Variants in METTL3 observed in about 807,000 individuals in gnomAD.
METTL3 encodes methyltransferase 3, N6-adenosine-methyltransferase complex catalytic subunit, also known as N(6)-adenosine-methyltransferase catalytic subunit METTL3.
A neutral mutation model predicts 64.3 loss-of-function variants in METTL3; 42 were observed. The observed-to-expected ratio is 0.65, with a 90% CI of 0.51 to 0.84. METTL3 has a LOEUF of 0.84. Among genes scored for constraint, METTL3 ranks in the 40% least tolerant of loss-of-function variants. METTL3 has a pLI of 0.00. For synonymous variants in METTL3, 256 were observed against 263.6 expected (o/e 0.97, Z 0.28); for missense variants, 435 against 722.3 (o/e 0.60, Z 4.56).
chr14:21,504,303 C>G (rs1278282511), intron 1 of METTL3: 1 of 180,306 alleles, frequency 5.5e-6, no homozygotes, highest in Admixed American at 5.5e-5. Context: ...GGCCACTGAT[C>G]AACAAAGTGT....
chr14:21,499,866 GAT>G (rs1329405145), intron 6 of METTL3, 64 bp from the exon 7 acceptor site: 2 of 1,497,110 alleles, frequency 1.3e-6, no homozygotes, highest in Non-Finnish European at 1.9e-6. Flanking sequence ...CAAAATATGT[GAT>G]GTGTTAAAAA....
chr14:21,501,153 C>A, intron 4 of METTL3, 24 bp from the exon 5 acceptor site: 1 of 1,557,510 alleles, frequency 6.4e-7, no homozygotes, highest in Non-Finnish European at 8.8e-7. Context: ...AAGGGAGAAT[C>A]AAGATGGTGC....
intron 3 of METTL3, 52 bp downstream of exon 3, chr14:21,503,117 TCAAA>T: frequency 1.3e-6 from 2 of 1,537,062 alleles, no homozygotes; most frequent in Non-Finnish European, 1.8e-6. Context: ...TAAATCCCTG[TCAAA>T]CAAAGCTATA....
At chr14:21,500,788 A>G (rs1009962619) in intron 5 of METTL3, 106 bp from the exon 6 acceptor site, 12 of 1,417,164 alleles carry the variant, frequency 8.5e-6, no homozygotes, top group Middle Eastern at 3.6e-4. Context: ...AAGCTTATCT[A>G]TCCCCCTCCA....
intron 4 of METTL3, 196 bp downstream of exon 4, chr14:21,501,532 T>G (rs1480084050): frequency 3.0e-6 from 2 of 674,756 alleles, no homozygotes; most frequent in Non-Finnish European, 4.9e-6. Flanking sequence ...AAAAAAAATC[T>G]CAGTTATTTG....
At chr14:21,508,740 C>T (rs1689346241) in intron 1 of METTL3, among the ~76,000 whole-genome samples, 1 of 152,046 alleles carries the variant, frequency 6.6e-6, no homozygotes, top group Non-Finnish European at 1.5e-5. Context: ...ACTAAAAATA[C>T]AAAATTAGCC....
At chr14:21,509,913 C>A (rs564849353) in intron 1 of METTL3, among the ~76,000 whole-genome samples, 1 of 152,154 alleles carries the variant, frequency 6.6e-6, no homozygotes, top group Non-Finnish European at 1.5e-5. Flanking sequence ...ATTGCCTGAC[C>A]ATATGACTTG....
intron 10 of METTL3, 58 bp from the exon 11 acceptor site, chr14:21,498,427 T>C: frequency 1.9e-6 from 3 of 1,552,414 alleles, no homozygotes; most frequent in Non-Finnish European, 2.7e-6. Context: ...GGGTTTAATA[T>C]TGTTAAAAAA....
Position 21,501,752 on chromosome 14 carries a change from C to G in METTL3, c.875G>C (p.Arg292Pro). The change falls in exon 4 of 11, where the codon CGA becomes CCA. Residue 292 changes from arginine (R) to proline (P), a missense_variant. Physicochemically the swap from Arg to Pro is moderately radical, Grantham distance 103. Coordinates refer to ENST00000298717, the MANE Select transcript of METTL3 (RefSeq NM_019852.5). The stretch of plus-strand genomic sequence containing the variant: ...CCTGAAGTGCAGCTTGCGACAGGGT[C>G]GATCAGCATCACTGGCTTTCATGCA... ...EECMKASDADRPCRKLHFRRI... is the reference protein window; with the variant it reads ...EECMKASDADPPCRKLHFRRI... 1 of 1,614,206 alleles carries G rather than the reference C, an allele frequency of 6.2e-7. No individual in the cohort carries two copies. Among genetic ancestry groups the G allele is most frequent in the Non-Finnish European group, 8.5e-7 (1 of 1,180,040 alleles).
chr14:21,509,236 A>G (rs1891772646), intron 1 of METTL3, among the ~76,000 whole-genome samples: 1 of 152,164 alleles, frequency 6.6e-6, no homozygotes, highest in African/African-American at 2.4e-5. Context: ...GCTACTTGAG[A>G]GGCTGAAGTG....
Position 21,503,458 on chromosome 14 carries a change from G to A in METTL3, c.438C>T (p.Thr146=), listed in dbSNP as rs1391779156. ...LQDDAHPTLV[T]YADHSKLSAM... is the part of the protein sequence containing the mutation. The stretch of plus-strand genomic sequence containing the variant: ...CAGAGAGCTTGGAATGGTCAGCATA[G>A]GTTACAAGAGTAGGATGTGCATCAT... The change falls in exon 3 of 11, where the codon ACC becomes ACT. Residue 146 remains threonine, a synonymous_variant. Coordinates refer to ENST00000298717, the MANE Select transcript of METTL3 (RefSeq NM_019852.5). 5.6e-6 allele frequency: 9 copies of A among 1,613,578 alleles called. No homozygotes were observed. Among genetic ancestry groups the A allele is most frequent in the East Asian group, 4.5e-5 (2 of 44,896 alleles).
intron 3 of METTL3, 28 bp downstream of exon 3, chr14:21,503,145 T>C: frequency 6.3e-7 from 1 of 1,580,252 alleles, no homozygotes; most frequent in Non-Finnish European, 8.6e-7. Context: ...AAGAGCATAT[T>C]GTGAGAGTAT....
At chr14:21,499,662 AT>A in intron 7 of METTL3, 62 bp from the exon 8 acceptor site, 1 of 1,582,068 alleles carries the variant, frequency 6.3e-7, no homozygotes, top group Non-Finnish European at 8.7e-7. Context: ...GGGTAGTACC[AT>A]TTATAGAAGC....
chr14:21,504,197 A>G, intron 1 of METTL3: 2 of 307,874 alleles, frequency 6.5e-6, no homozygotes, highest in Non-Finnish European at 1.3e-5. Flanking sequence ...CTTTCTATCA[A>G]CCTACATTTT....
intron 1 of METTL3, among the ~76,000 whole-genome samples, chr14:21,507,281 G>C (rs542998948): frequency 1.3e-5 from 2 of 152,242 alleles, no homozygotes; most frequent in Admixed American, 6.5e-5. Flanking sequence ...ACGATGTGGT[G>C]GGTACATTTT....
intron 1 of METTL3, chr14:21,508,116 G>T (rs979244299): frequency 6.6e-6 from 1 of 152,030 alleles, no homozygotes; most frequent in African/African-American, 2.4e-5. Context: ...TAAAAAGTAG[G>T]CAGGCATGGT....
At chr14:21,508,313 A>T (rs956773133) in intron 1 of METTL3, 2 of 152,178 alleles carry the variant, frequency 1.3e-5, no homozygotes, top group Admixed American at 6.5e-5. Flanking sequence ...CTAGCTAAAT[A>T]TACAAATCAA....
chr14:21,500,253 A>G (rs1891526806), intron 6 of METTL3, among the ~76,000 whole-genome samples: 1 of 152,026 alleles, frequency 6.6e-6, no homozygotes, highest in Non-Finnish European at 1.5e-5. Context: ...AATCCCAGCT[A>G]CTCAGGAGGC....
chr14:21,503,839 C>T lies in METTL3; in HGVS notation c.143G>A (p.Ser48Asn). The change falls in exon 2 of 11, where the codon AGT becomes AAT. Residue 48 changes from serine (S) to asparagine (N), a missense_variant. Physicochemically the swap from Ser to Asn is conservative, Grantham distance 46. Transcript: ENST00000298717. ...PEAALSPTFRSDSPVPTAPTS... is the reference protein window; with the variant it reads ...PEAALSPTFRNDSPVPTAPTS... ...GGGTGCAGTAGGCACTGGGCTGTCA[C>T]TACGGAAGGTTGGAGACAATGCTGC... is the stretch of plus-strand genomic sequence containing the variant. The T allele has an allele frequency of 1.2e-6, 2 of 1,614,234 alleles. No homozygotes were observed. Among genetic ancestry groups the T allele is most frequent in the Non-Finnish European group, 1.7e-6 (2 of 1,180,036 alleles).
Sources: gnomAD v4.1 joint callset for allele counts (sites outside exome capture counted in the v4.1 genomes callset) on GRCh38, gnomAD v4.1.1 for gene constraint, MANE v1.5 for transcripts, NCBI Gene and HGNC (gene_info 2026-07-23, HGNC 2026-07-21) for gene names.